AKAP13: variants seen among roughly 807,000 people sequenced by gnomAD.
The protein encoded by AKAP13 is A-kinase anchoring protein 13.
AKAP13 carries 80 observed loss-of-function variants against 264.5 expected under a neutral mutation model. The observed-to-expected ratio is 0.30, with a 90% CI of 0.25 to 0.36. AKAP13 has a LOEUF of 0.36. Ranked by LOEUF, AKAP13 falls within the 10% of genes least tolerant of loss-of-function variation. AKAP13 has a pLI of 1.00. For missense variants in AKAP13, 3,712 were observed against 3,435.2 expected (o/e 1.08, Z -2.01); for synonymous variants, 1,380 against 1,250.2 (o/e 1.10, Z -2.19).
rs181967358 is a variant in AKAP13 at position 85,562,496 on chromosome 15, T to G, written c.663-12635T>G. Reference sequence around the variant, plus strand: ...GGGAGAATCGCTTGTACCTGGAAGGTGGTGGTTGCAGTGAGCTGAGATCGT... The same window carrying G: ...GGGAGAATCGCTTGTACCTGGAAGGGGGTGGTTGCAGTGAGCTGAGATCGT... On this transcript the variant is annotated intron_variant, in intron 5 of 36. Coordinates refer to ENST00000394518, the MANE Select transcript of AKAP13 (RefSeq NM_007200.5). Among the ~76,000 whole-genome samples the G allele has an allele frequency of 1.9e-3, 270 of 144,716 alleles. 3 individuals are homozygous for G. The highest frequency in any genetic ancestry group is 6.5e-3 in the African/African-American group (255 of 39,122). The allele number at this position is 144,716 out of a possible 152,430, so 94.9% of individuals were successfully genotyped here. A position where few individuals can be genotyped will look rare whatever the true frequency, so the allele number is the denominator to read the frequency against.
intron 4 of AKAP13, among the ~76,000 whole-genome samples, chr15:85,540,672 A>C (rs28380635): frequency 0.24 from 36,301 of 152,172 alleles, 4,704 homozygotes; most frequent in African/African-American, 0.35. Flanking sequence ...CAGTGATGGA[A>C]GCTTTCATGC....
At chr15:85,481,877 G>A (rs2075363559) in intron 1 of AKAP13, among the ~76,000 whole-genome samples, 1 of 152,160 alleles carries the variant, frequency 6.6e-6, no homozygotes, top group African/African-American at 2.4e-5. Context: ...GGAAGAAGTA[G>A]GATTTTCTCT....
chr15:85,717,447 G>T, intron 21 of AKAP13, 45 bp downstream of exon 21: 1 of 1,295,844 alleles, frequency 7.7e-7, no homozygotes, highest in Non-Finnish European at 1.1e-6. Flanking sequence ...TGTAGGGACT[G>T]TGTGTGTGTC....
chr15:85,714,919 A>C (rs2086837847), intron 19 of AKAP13, among the ~76,000 whole-genome samples: 1 of 152,118 alleles, frequency 6.6e-6, no homozygotes, highest in African/African-American at 2.4e-5. Context: ...GTGAGCCAAG[A>C]TCGCGCCACT....
At chr15:85,402,149 T>C (rs2071453267) in intron 1 of AKAP13, among the ~76,000 whole-genome samples, 2 of 152,150 alleles carry the variant, frequency 1.3e-5, no homozygotes, top group South Asian at 4.1e-4. Context: ...CCAAAAAGTA[T>C]CCTCAAGTCC....
In AKAP13 at chr15:85,492,933, T is replaced by C. The variant is rs368787335; in HGVS notation, c.33+7180T>C. Among the ~76,000 whole-genome samples, 8 of 152,170 alleles carry C rather than the reference T, an allele frequency of 5.3e-5. No individual in the cohort carries two copies. In the East Asian group the frequency reaches 9.6e-4, roughly 18 times the overall value. On this transcript the variant is annotated intron_variant, in intron 2 of 36. Transcript: ENST00000394518. ...TATTGAATCTACATAATTTATCTGT[T>C]CCAGAGGAATTGGGCATATAAGAGA...
At chr15:85,464,069 C>T (rs1165120359) in intron 1 of AKAP13, among the ~76,000 whole-genome samples, 1 of 152,168 alleles carries the variant, frequency 6.6e-6, no homozygotes, top group African/African-American at 2.4e-5. Context: ...TCTTGAACCA[C>T]CCCGATGATC....
In AKAP13 at chr15:85,744,343, A is replaced by G. The variant is rs188889537; in HGVS notation, c.8393-285A>G. 7.3e-6 allele frequency: 3 copies of G among 411,524 alleles called. No homozygotes were observed. In the East Asian group the frequency reaches 1.8e-4, roughly 24 times the overall value. The allele number at this position is 411,524 out of a possible 1,614,324, so 25.5% of individuals were successfully genotyped here. The stretch of plus-strand genomic sequence containing the variant: ...CCCTGAATCCTTCTCTTTAGGATTG[A>G]TCTCTCCTTTCTGTGTGGGAGGTTA... On this transcript the variant is annotated intron_variant, in intron 36 of 36. Transcript: ENST00000394518.
chr15:85,696,321 G>T (rs2085564496), intron 17 of AKAP13, among the ~76,000 whole-genome samples: 1 of 152,148 alleles, frequency 6.6e-6, no homozygotes, highest in Non-Finnish European at 1.5e-5. Context: ...AAACAAATGT[G>T]GATTATGCAT....
chr15:85,599,201 C>A (rs75726235), intron 8 of AKAP13, among the ~76,000 whole-genome samples: 88 of 152,284 alleles, frequency 5.8e-4, no homozygotes, highest in African/African-American at 1.9e-3. Flanking sequence ...GGATTTAAAT[C>A]CTGGCTTTCC....
rs1045612669 is a variant in AKAP13 at position 85,746,579 on chromosome 15, C to T, written c.*1902C>T. 5.3e-5 allele frequency: 8 copies of T among 152,114 alleles called. No homozygotes were observed. The highest frequency in any genetic ancestry group is 1.9e-4 in the African/African-American group (8 of 41,402). 9.4% of individuals were successfully genotyped at this position (152,114 alleles called of 1,614,324 possible). On this transcript the variant is annotated 3_prime_UTR_variant, in exon 37 of 37. Coordinates refer to ENST00000394518, the MANE Select transcript of AKAP13 (RefSeq NM_007200.5). ...GCCTTTTTCTGTCATGGAGAATACT[C>T]ACCCTTCAGAAACAGACCAAAGGCC...
intron 31 of AKAP13, 132 bp from the exon 32 acceptor site, chr15:85,735,428 G>C: frequency 3.2e-6 from 3 of 950,130 alleles, no homozygotes; most frequent in Non-Finnish European, 4.7e-6. Context: ...CTGCCACCAA[G>C]CAGCTCCCCC....
At chr15:85,694,682 A>G (rs2085471404) in intron 17 of AKAP13, among the ~76,000 whole-genome samples, 1 of 152,230 alleles carries the variant, frequency 6.6e-6, no homozygotes, top group Non-Finnish European at 1.5e-5. Flanking sequence ...CAAAAGTAGT[A>G]TTTGTAGAGC....
chr15:85,527,353 G>C (rs1180650776), intron 3 of AKAP13, among the ~76,000 whole-genome samples: 2 of 152,212 alleles, frequency 1.3e-5, no homozygotes, highest in African/African-American at 4.8e-5. Context: ...TATTAAGGGA[G>C]TGATATCCTC....
intron 14 of AKAP13, among the ~76,000 whole-genome samples, chr15:85,679,957 T>G (rs1476461933): frequency 6.6e-6 from 1 of 152,216 alleles, no homozygotes; most frequent in Non-Finnish European, 1.5e-5. Flanking sequence ...GAACCACATC[T>G]AAAAGGTCAT....
intron 1 of AKAP13, among the ~76,000 whole-genome samples, chr15:85,434,725 C>T (rs1004778059): frequency 3.9e-5 from 6 of 152,120 alleles, no homozygotes; most frequent in Middle Eastern, 3.2e-3. Context: ...ACACCTCACA[C>T]GGCAGGGTAT....
intron 16 of AKAP13, chr15:85,685,490 CTGTGTGTGTG>C (rs34565043): frequency 2.2e-5 from 3 of 134,324 alleles, no homozygotes; most frequent in Admixed American, 7.3e-5. Flanking sequence ...GTGTGTGTGT[CTGTGTGTGTG>C]TGTGTGTAAG....
In AKAP13 at chr15:85,500,965, T is replaced by C. The variant is rs1342190524; in HGVS notation, c.33+15212T>C. On this transcript the variant is annotated intron_variant, in intron 2 of 36. Coordinates refer to ENST00000394518, the MANE Select transcript of AKAP13 (RefSeq NM_007200.5). ...TCCACAGAAGGAAATGTGAGTTTTA[T>C]CTTACTGCTCAGGCGATGGTACATT... is the stretch of plus-strand genomic sequence containing the variant. 4.6e-5 allele frequency among the ~76,000 whole-genome samples: 7 copies of C among 152,322 alleles called. No individual in the cohort carries two copies. The East Asian group carries it at 5.8e-4, about 13-fold the overall frequency.
Position 85,587,475 on chromosome 15 carries a change from T to TG in AKAP13, c.4161+1653dup, listed in dbSNP as rs2079407838. ...TGGATTGTTTCCACTTTTTGGCTAC[T>TG]GTGAATAATGCTGTTATGTACATTT... On this transcript the variant is annotated intron_variant, in intron 8 of 36. Coordinates refer to ENST00000394518, the MANE Select transcript of AKAP13 (RefSeq NM_007200.5). Among the ~76,000 whole-genome samples, 5 of 152,354 alleles carry TG rather than the reference T, an allele frequency of 3.3e-5. 1 individual carries two copies. In the South Asian group the frequency reaches 1.0e-3, roughly 32 times the overall value.
Sources: gnomAD v4.1 joint callset for allele counts (sites outside exome capture counted in the v4.1 genomes callset) on GRCh38, gnomAD v4.1.1 for gene constraint, MANE v1.5 for transcripts, NCBI Gene and HGNC (gene_info 2026-07-23, HGNC 2026-07-21) for gene names.